ABCC9: variants seen among roughly 807,000 people sequenced by gnomAD.
ABCC9 encodes the protein ATP binding cassette subfamily C member 9.
Under a neutral mutation model 188.3 loss-of-function variants are expected in ABCC9, and 95 were observed. The ratio of observed to expected loss-of-function variants is 0.50; its 90% CI spans 0.43 to 0.60. The LOEUF is 0.60. Ranked by LOEUF, ABCC9 falls within the 20% of genes least tolerant of loss-of-function variation. The pLI is 0.00. For synonymous variants in ABCC9, 659 were observed against 652.7 expected (o/e 1.01, Z -0.15); for missense variants, 1,102 against 1,876.3 (o/e 0.59, Z 7.62).
chr12:21,819,110 C>T (rs1044497567), intron 31 of ABCC9, among the ~76,000 whole-genome samples: 8 of 152,124 alleles, frequency 5.3e-5, no homozygotes, highest in African/African-American at 1.9e-4. Flanking sequence ...CTGTCCATTT[C>T]CTAACGCTTT....
chr12:21,852,178 C>T lies in ABCC9; in HGVS notation c.2688G>A (p.Leu896=), dbSNP rs1436433737. ...KDGSVLREGT[L]KDIQTKDVEL... The stretch of plus-strand genomic sequence containing the variant: ...CAACATCTTTGGTTTGAATGTCCTT[C>T]AAAGTTCCTTCTCTTAGGACACTTC... Residue 896 remains leucine, a synonymous_variant, in exon 24 of 40, where the codon TTG becomes TTA. Transcript: ENST00000261200. The T allele has an allele frequency of 6.2e-7, 1 of 1,613,752 alleles. No individual in the cohort carries two copies. Among genetic ancestry groups the T allele is most frequent in the South Asian group, 1.1e-5 (1 of 91,064 alleles).
At chr12:21,812,593 A>G (rs1195751329) in intron 35 of ABCC9, among the ~76,000 whole-genome samples, 1 of 152,130 alleles carries the variant, frequency 6.6e-6, no homozygotes, top group African/African-American at 2.4e-5. Flanking sequence ...GCAAACTAAC[A>G]CAGGAACAGA....
chr12:21,897,373 C>A (rs1947478316), intron 12 of ABCC9, among the ~76,000 whole-genome samples: 1 of 152,094 alleles, frequency 6.6e-6, no homozygotes, highest in South Asian at 2.1e-4. Context: ...TTTGTTCACT[C>A]TGATGATAGT....
At chr12:21,935,676 A>G (rs1189562442) in intron 3 of ABCC9, among the ~76,000 whole-genome samples, 1 of 152,158 alleles carries the variant, frequency 6.6e-6, no homozygotes, top group Non-Finnish European at 1.5e-5. Context: ...GGAACGTAGG[A>G]TATGGAAAGA....
chr12:21,885,904 G>T (rs1049066417), intron 15 of ABCC9, among the ~76,000 whole-genome samples: 2 of 152,100 alleles, frequency 1.3e-5, no homozygotes, highest in Admixed American at 1.3e-4. Flanking sequence ...AATATAGATT[G>T]ATTTCCTGGG....
intron 7 of ABCC9, among the ~76,000 whole-genome samples, chr12:21,915,259 G>GTATATATAATGTGTATATGTATGTGTGTA (rs1565480384): frequency 5.4e-5 from 6 of 110,966 alleles, no homozygotes; most frequent in South Asian, 3.4e-4. Context: ...GTGTGTGTGT[G>GTATATATAATGTGTATATGTATGTGTGTA]TGTATATAAT....
At chr12:21,865,626 G>T (rs1945738009) in intron 18 of ABCC9, among the ~76,000 whole-genome samples, 1 of 152,084 alleles carries the variant, frequency 6.6e-6, no homozygotes, top group Non-Finnish European at 1.5e-5. Flanking sequence ...GTGTTAATTT[G>T]TATTCTGGCC....
At chr12:21,882,641 T>C (rs957151696) in intron 16 of ABCC9, 125 bp downstream of exon 16, 1 of 817,966 alleles carries the variant, frequency 1.2e-6, no homozygotes, top group South Asian at 1.6e-5. Flanking sequence ...TTAAATGTTA[T>C]TAGGGTTAAT....
At chr12:21,934,242 G>A (rs978303840) in intron 3 of ABCC9, among the ~76,000 whole-genome samples, 3 of 151,902 alleles carry the variant, frequency 2.0e-5, no homozygotes, top group African/African-American at 7.3e-5. Context: ...AATTCAAAAG[G>A]AAATAAGTTG....
intron 7 of ABCC9, among the ~76,000 whole-genome samples, chr12:21,915,014 C>A (rs985748922): frequency 6.6e-6 from 1 of 151,564 alleles, no homozygotes; most frequent in African/African-American, 2.4e-5. Context: ...AATTCTCCTG[C>A]CTCAGCCTCC....
At chr12:21,916,874 CTG>C in intron 6 of ABCC9, 61 bp downstream of exon 6, 1 of 1,447,626 alleles carries the variant, frequency 6.9e-7, no homozygotes. Flanking sequence ...TTCTAGCTAA[CTG>C]TAATCTTTCA....
chr12:21,910,027 CT>C (rs1350906221), intron 10 of ABCC9, 129 bp downstream of exon 10: 7 of 901,830 alleles, frequency 7.8e-6, no homozygotes, highest in South Asian at 3.2e-5. Context: ...TCCCAGCTTC[CT>C]TTTCTATAAA....
intron 5 of ABCC9, among the ~76,000 whole-genome samples, chr12:21,918,777 C>T (rs1242475130): frequency 6.6e-6 from 1 of 152,028 alleles, no homozygotes; most frequent in East Asian, 1.9e-4. Flanking sequence ...TCCTCCATGC[C>T]ACAGTCTAGT....
intron 31 of ABCC9, chr12:21,828,265 T>G (rs1338056209): frequency 6.5e-6 from 1 of 153,556 alleles, no homozygotes; most frequent in Non-Finnish European, 1.4e-5. Context: ...CTCATTGGCT[T>G]ATGAACCCCC....
At position 21,882,826 on chromosome 12, in the gene ABCC9, G is replaced by A; in HGVS notation, c.1959C>T (p.Asp653=). The A allele has an allele frequency of 6.2e-7, 1 of 1,614,036 alleles. No individual in the cohort carries two copies. Among genetic ancestry groups the A allele is most frequent in the Non-Finnish European group, 8.5e-7 (1 of 1,179,950 alleles). The part of the protein sequence containing the change: ...NRKQPGRYHL[D]SYEQSTRRLR... ...GACGCCGTGTTGATTGCTCATAGCT[G>A]TCCAGGTGATATCTTCCAGGCTGTT... Residue 653 remains aspartate (D), a synonymous_variant, in exon 16 of 40, where the codon GAC becomes GAT. Coordinates refer to ENST00000261200, the MANE Select transcript of ABCC9 (RefSeq NM_020297.4).
rs535041257 is a variant in ABCC9, at chr12:21,917,123, A to G, written c.407-20T>C. 6.2e-7 allele frequency: 1 copy of G among 1,612,430 alleles called. No individual in the cohort carries two copies. Among genetic ancestry groups the G allele is most frequent in the African/African-American group, 1.3e-5 (1 of 75,000 alleles). On this transcript the variant is annotated intron_variant, in intron 5 of 39. Transcript: ENST00000261200. ...ACAGGGCTGAAAAGAAAAAGACAAA[A>G]AGAGAAAGATGCAATCTTTTCTTAA...
intron 16 of ABCC9, among the ~76,000 whole-genome samples, chr12:21,881,707 A>AACACACACACAC (rs3062604): frequency 6.7e-6 from 1 of 148,172 alleles, no homozygotes; most frequent in Non-Finnish European, 1.5e-5. Flanking sequence ...CCTAGGGAAC[A>AACACACACACAC]ACACACACAC....
chr12:21,882,846 G>A lies in ABCC9; in HGVS notation c.1939C>T (p.Pro647Ser), dbSNP rs767396331. The A allele has an allele frequency of 6.2e-7, 1 of 1,613,976 alleles. No individual in the cohort carries two copies. Among genetic ancestry groups the A allele is most frequent in the African/African-American group, 1.3e-5 (1 of 75,028 alleles). The stretch of plus-strand genomic sequence containing the variant: ...TAGCTGTCCAGGTGATATCTTCCAG[G>A]CTGTTTCCTGTTTATAGTTTTTGGC... ...VQPKTINRKQ[P>S]GRYHLDSYEQ... The change falls in exon 16 of 40, where the codon CCT becomes TCT. Residue 647 changes from proline (P) to serine (S), a missense_variant. This residue lies in a region of ABCC9 where 258 missense variants were observed against 325.6 expected (regional missense o/e 0.79). Transcript: ENST00000261200.
chr12:21,844,543 A>G lies in ABCC9; in HGVS notation c.3255T>C (p.Asp1085=). 6.2e-7 allele frequency: 1 copy of G among 1,613,700 alleles called. No homozygotes were observed. The highest frequency in any genetic ancestry group is 8.5e-7 in the Non-Finnish European group (1 of 1,179,650). ...TGAGAATCAGTCCCAGGGGTGTGGT[A>G]TCAAAAAACCTAGGCAATAAACAGA... ...KIILGPIRFF[D]TTPLGLILNR... Residue 1085 remains aspartate, a synonymous_variant, in exon 28 of 40, where the codon GAT becomes GAC. Coordinates refer to ENST00000261200, the MANE Select transcript of ABCC9 (RefSeq NM_020297.4).
Sources: gnomAD v4.1 joint callset for allele counts (sites outside exome capture counted in the v4.1 genomes callset) on GRCh38, gnomAD v4.1.1 for gene constraint, gnomAD v4.1.1 regional missense constraint, MANE v1.5 for transcripts, NCBI Gene and HGNC (gene_info 2026-07-23, HGNC 2026-07-21) for gene names.